The following FAM13A variants were observed in gnomAD, a reference collection of about 807,000 sequenced individuals.
FAM13A encodes the protein family with sequence similarity 13 member A.
In FAM13A, 76 loss-of-function variants were observed where a neutral mutation model predicts 129.6. The ratio of observed to expected loss-of-function variants is 0.59; its 90% CI spans 0.49 to 0.71. The LOEUF (loss-of-function observed/expected upper bound fraction) is 0.71, where lower values mean the gene tolerates loss of function less well. Ranked by LOEUF, FAM13A falls within the 30% of genes least tolerant of loss-of-function variation. FAM13A has a pLI of 0.00. For missense variants in FAM13A, 1,108 were observed against 1,249.3 expected (o/e 0.89, Z 1.70); for synonymous variants, 443 against 449.9 (o/e 0.98, Z 0.20).
At chr4:88,853,147 A>G (rs960977048) in intron 6 of FAM13A, among the ~76,000 whole-genome samples, 2 of 152,186 alleles carry the variant, frequency 1.3e-5, no homozygotes, top group African/African-American at 4.8e-5. Context: ...TCAGGAAAGC[A>G]AGGAAAAAAT....
chr4:88,968,641 G>A (rs376234721), intron 4 of FAM13A, among the ~76,000 whole-genome samples: 73 of 152,026 alleles, frequency 4.8e-4, no homozygotes, highest in Middle Eastern at 6.8e-3. Context: ...TGTTTTGGAC[G>A]TTTCTATTCC....
chr4:88,984,918 C>G (rs1354427014), intron 4 of FAM13A, among the ~76,000 whole-genome samples: 1 of 152,104 alleles, frequency 6.6e-6, no homozygotes, highest in East Asian at 1.9e-4. Context: ...CCATGAGACC[C>G]AACAATTCTA....
rs1273741405 is a variant in FAM13A at position 88,767,893 on chromosome 4, C to A, written c.1535+90G>T. ...AAATATATAGTCCTTTAATTCCATT[C>A]TTTTTAGTTCTTATAATTCACATTG... On this transcript the variant is annotated intron_variant, in intron 12 of 23. Coordinates refer to ENST00000264344, the MANE Select transcript of FAM13A (RefSeq NM_014883.4). The A allele has an allele frequency of 1.1e-5, 9 of 815,476 alleles. No homozygotes were observed. In the Admixed American group the frequency reaches 1.4e-4, roughly 13 times the overall value. 50.5% of individuals were successfully genotyped at this position (815,476 alleles called of 1,614,324 possible). A position where few individuals can be genotyped will look rare whatever the true frequency, so the allele number is the denominator to read the frequency against.
At chr4:88,847,712 T>A (rs11947819) in intron 7 of FAM13A, among the ~76,000 whole-genome samples, 12,610 of 152,046 alleles carry the variant, frequency 0.083, 879 homozygotes, top group African/African-American at 0.19. Context: ...AGGCGGGTGG[T>A]TCAAGAGGTC....
intron 1 of FAM13A, among the ~76,000 whole-genome samples, chr4:89,036,237 T>A (rs574047012): frequency 7.2e-5 from 11 of 152,306 alleles, no homozygotes; most frequent in African/African-American, 2.6e-4. Flanking sequence ...CAGATGGAGA[T>A]GAGGAACTTA....
chr4:88,948,545 G>C (rs550466161), intron 4 of FAM13A, among the ~76,000 whole-genome samples: 11 of 151,788 alleles, frequency 7.2e-5, no homozygotes, highest in African/African-American at 2.4e-4. Flanking sequence ...CTGGAGTGCA[G>C]TGGCATGATC....
chr4:88,796,357 C>T (rs962419169), intron 8 of FAM13A, among the ~76,000 whole-genome samples: 6 of 151,904 alleles, frequency 3.9e-5, no homozygotes, highest in African/African-American at 7.2e-5. Flanking sequence ...AAAATTTCTG[C>T]TCTTTAAGAA....
At chr4:88,932,848 G>A (rs1249360984) in intron 5 of FAM13A, among the ~76,000 whole-genome samples, 1 of 152,144 alleles carries the variant, frequency 6.6e-6, no homozygotes, top group Non-Finnish European at 1.5e-5. Context: ...GCTTTGCTCA[G>A]AGCATTTGTT....
intron 1 of FAM13A, among the ~76,000 whole-genome samples, chr4:89,047,759 A>G (rs934142435): frequency 6.6e-6 from 1 of 152,222 alleles, no homozygotes; most frequent in Admixed American, 6.5e-5. Flanking sequence ...TGGATCATGT[A>G]TCTAATAAAG....
intron 4 of FAM13A, among the ~76,000 whole-genome samples, chr4:88,961,374 TTTTTTTTTTTTG>T (rs1758594854): frequency 1.1e-5 from 1 of 87,768 alleles, no homozygotes; most frequent in Non-Finnish European, 2.3e-5. Flanking sequence ...TTTTTTTTTT[TTTTTTTTTTTTG>T]AGACTGAGTC....
chr4:88,947,778 GCTAA>G (rs754768254), intron 4 of FAM13A, among the ~76,000 whole-genome samples: 4 of 151,826 alleles, frequency 2.6e-5, no homozygotes, highest in African/African-American at 4.8e-5. Flanking sequence ...CCCAAATGCA[GCTAA>G]CTGAGATCTT....
chr4:88,770,352 A>G (rs1720411262), intron 11 of FAM13A, among the ~76,000 whole-genome samples: 1 of 152,202 alleles, frequency 6.6e-6, no homozygotes, highest in African/African-American at 2.4e-5. Flanking sequence ...CTTTAGTGTA[A>G]GATCTAGTGC....
At chr4:88,891,812 TA>T (rs1745370675) in intron 6 of FAM13A, among the ~76,000 whole-genome samples, 2 of 152,198 alleles carry the variant, frequency 1.3e-5, no homozygotes, top group Non-Finnish European at 2.9e-5. Context: ...CTTAAGGTCA[TA>T]AAGCATAACT....
At chr4:88,742,761 T>C (rs192132718) in intron 19 of FAM13A, among the ~76,000 whole-genome samples, 1 of 152,324 alleles carries the variant, frequency 6.6e-6, no homozygotes, top group East Asian at 1.9e-4. Context: ...TGACATCTCT[T>C]ATTCTTGACT....
chr4:88,785,532 C>T (rs1723791882), intron 10 of FAM13A, among the ~76,000 whole-genome samples: 1 of 151,938 alleles, frequency 6.6e-6, no homozygotes, highest in Non-Finnish European at 1.5e-5. Context: ...AAAGAATCAG[C>T]CTGCTGGAAA....
chr4:88,876,765 G>A (rs1164558555), intron 6 of FAM13A, among the ~76,000 whole-genome samples: 1 of 151,974 alleles, frequency 6.6e-6, no homozygotes, highest in Non-Finnish European at 1.5e-5. Context: ...CTAATTTTTT[G>A]TATTTTTAGT....
At chr4:88,904,243 A>G (rs1747778675) in intron 6 of FAM13A, among the ~76,000 whole-genome samples, 1 of 152,196 alleles carries the variant, frequency 6.6e-6, no homozygotes, top group South Asian at 2.1e-4. Context: ...GAAATACCAT[A>G]TGACCCAGCA....
Position 88,781,345 on chromosome 4 carries a change from A to G in FAM13A, c.1278T>C (p.Leu426=), listed in dbSNP as rs1462903989. ...CAGAAGGAGTATTTTCTTTGTTGAT[A>G]AGTCCCCTTGAATTGAGAAAAAAGC... ...DEVRHGRDKG[L]INKENTPSGF... is the part of the protein sequence containing the mutation. The change falls in exon 11 of 24, where the codon CTT becomes CTC. Residue 426 remains leucine (L), a synonymous_variant. Transcript: ENST00000264344. The G allele has an allele frequency of 6.2e-7, 1 of 1,600,194 alleles. No homozygotes were observed.
At chr4:88,972,591 G>A (rs1022233756) in intron 4 of FAM13A, among the ~76,000 whole-genome samples, 5 of 151,920 alleles carry the variant, frequency 3.3e-5, no homozygotes, top group African/African-American at 1.2e-4. Flanking sequence ...GTGAGCCACT[G>A]CACCCAGCCC....
Sources: allele counts gnomAD v4.1 joint callset (sites outside exome capture counted in the v4.1 genomes callset), GRCh38; gene constraint gnomAD v4.1.1; transcripts MANE v1.5; gene names NCBI Gene and HGNC (gene_info 2026-07-23, HGNC 2026-07-21).